The following ZNF804A variants were observed in gnomAD, a reference collection of about 807,000 sequenced individuals.
ZNF804A encodes zinc finger protein 804A.
A neutral mutation model predicts 16.5 loss-of-function variants in ZNF804A; 2 were observed. That is an observed-to-expected ratio of 0.12 (90% CI 0.05 to 0.38). The LOEUF is 0.38. Among genes scored for constraint, ZNF804A ranks in the 10% least tolerant of loss-of-function variants. ZNF804A has a pLI of 0.99. For synonymous variants in ZNF804A, 534 were observed against 489.6 expected (o/e 1.09, Z -1.20); for missense variants, 1,473 against 1,390.7 (o/e 1.06, Z -0.94).
intron 1 of ZNF804A, among the ~76,000 whole-genome samples, chr2:184,733,710 T>C (rs1462833631): frequency 6.6e-6 from 1 of 152,206 alleles, no homozygotes; most frequent in Non-Finnish European, 1.5e-5. Flanking sequence ...AGATGGAAGC[T>C]TATTTAGATG....
chr2:184,798,354 C>A (rs535019401), intron 1 of ZNF804A, among the ~76,000 whole-genome samples: 4 of 151,804 alleles, frequency 2.6e-5, no homozygotes, highest in African/African-American at 9.6e-5. Flanking sequence ...TTAGATTTTT[C>A]TTCTTTTTCA....
chr2:184,816,642 A>T (rs1448596174), intron 1 of ZNF804A, among the ~76,000 whole-genome samples: 1 of 151,968 alleles, frequency 6.6e-6, no homozygotes, highest in African/African-American at 2.4e-5. Context: ...TTATCAACCG[A>T]TCAATCATTC....
chr2:184,681,259 G>A (rs1372762024), intron 1 of ZNF804A, among the ~76,000 whole-genome samples: 2 of 151,994 alleles, frequency 1.3e-5, no homozygotes, highest in African/African-American at 4.8e-5. Context: ...CCCATGACAA[G>A]GAGAGACTTC....
chr2:184,698,606 C>G (rs1310791044), intron 1 of ZNF804A, among the ~76,000 whole-genome samples: 1 of 151,996 alleles, frequency 6.6e-6, no homozygotes, highest in Non-Finnish European at 1.5e-5. Context: ...CTGAAACTGG[C>G]TTAATCAGAG....
chr2:184,667,029 G>C lies in ZNF804A; in HGVS notation c.111+67959G>C, dbSNP rs10209206. 5.2e-3 allele frequency among the ~76,000 whole-genome samples: 797 copies of C among 151,946 alleles called. 4 individuals are homozygous for C. Among genetic ancestry groups the C allele is most frequent in the African/African-American group, 0.017 (710 of 41,518 alleles). ...GTTTATAATGTTGAGGGTATAGAAA[G>C]GCAAATAATCCAAATTAGCTGAGAA... On this transcript the variant is annotated intron_variant, in intron 1 of 3. Coordinates refer to ENST00000302277, the MANE Select transcript of ZNF804A (RefSeq NM_194250.2).
At chr2:184,846,046 C>T (rs1191155228) in intron 1 of ZNF804A, among the ~76,000 whole-genome samples, 1 of 152,108 alleles carries the variant, frequency 6.6e-6, no homozygotes, top group Admixed American at 6.6e-5. Context: ...AATTGATTTT[C>T]AGGTTTCATA....
chr2:184,935,212 C>G lies in ZNF804A; in HGVS notation c.387-571C>G, dbSNP rs75400939. Among the ~76,000 whole-genome samples the G allele has an allele frequency of 1.8e-4, 28 of 152,148 alleles. No homozygotes were observed. In the South Asian group the frequency reaches 5.8e-3, roughly 32 times the overall value. On this transcript the variant is annotated intron_variant, in intron 3 of 3. Coordinates refer to ENST00000302277, the MANE Select transcript of ZNF804A (RefSeq NM_194250.2). ...TTCAGGATAATTTTAAATATTGAGA[C>G]TAACAATTTCAAAAGAGTCAAAGCT...
At chr2:184,797,894 T>C (rs1176065352) in intron 1 of ZNF804A, among the ~76,000 whole-genome samples, 1 of 152,088 alleles carries the variant, frequency 6.6e-6, no homozygotes, top group African/African-American at 2.4e-5. Flanking sequence ...GTTCTTATAG[T>C]TGTGGCTTGG....
At position 184,601,583 on chromosome 2, in the gene ZNF804A, G is replaced by A. The variant is rs560541563; in HGVS notation, c.111+2513G>A. On this transcript the variant is annotated intron_variant, in intron 1 of 3. Transcript: ENST00000302277. ...ATTGACAGATAAACTTGTGTTTATC[G>A]TGTACAATGATTTTAATCCCAGTTT... Among the ~76,000 whole-genome samples, 13 of 151,726 alleles carry A rather than the reference G, an allele frequency of 8.6e-5. No individual in the cohort carries two copies. In the East Asian group the frequency reaches 1.2e-3, roughly 14 times the overall value.
At chr2:184,924,243 T>C (rs1685574894) in intron 2 of ZNF804A, among the ~76,000 whole-genome samples, 1 of 152,010 alleles carries the variant, frequency 6.6e-6, no homozygotes, top group Non-Finnish European at 1.5e-5. Context: ...GGCTTCCATC[T>C]CGTTACTTGT....
intron 1 of ZNF804A, among the ~76,000 whole-genome samples, chr2:184,661,403 C>A (rs1251805765): frequency 1.3e-5 from 2 of 152,262 alleles, no homozygotes; most frequent in East Asian, 3.9e-4. Flanking sequence ...GGTTCTTGTA[C>A]TGTGACCAAA....
chr2:184,686,472 C>T (rs535203483), intron 1 of ZNF804A, among the ~76,000 whole-genome samples: 3 of 152,226 alleles, frequency 2.0e-5, no homozygotes, highest in Non-Finnish European at 4.4e-5. Flanking sequence ...GATTCCATGT[C>T]TGTGGCTATT....
At chr2:184,896,281 T>G (rs1174854494) in intron 2 of ZNF804A, among the ~76,000 whole-genome samples, 1 of 152,092 alleles carries the variant, frequency 6.6e-6, no homozygotes, top group Non-Finnish European at 1.5e-5. Flanking sequence ...TGTCCCAAAT[T>G]TATATATGAA....
chr2:184,744,230 C>T (rs1293298429), intron 1 of ZNF804A, among the ~76,000 whole-genome samples: 1 of 151,770 alleles, frequency 6.6e-6, no homozygotes, highest in Non-Finnish European at 1.5e-5. Flanking sequence ...CCCTTTATAA[C>T]TCATAGATTA....
intron 1 of ZNF804A, among the ~76,000 whole-genome samples, chr2:184,777,936 CT>C (rs1694313387): frequency 6.6e-6 from 1 of 151,590 alleles, no homozygotes; most frequent in Admixed American, 6.6e-5. Flanking sequence ...ATATAATTGA[CT>C]GAACAGCATA....
intron 1 of ZNF804A, among the ~76,000 whole-genome samples, chr2:184,725,315 T>A (rs1693390463): frequency 6.6e-6 from 1 of 151,688 alleles, no homozygotes; most frequent in Admixed American, 6.6e-5. Context: ...TAAATCATAT[T>A]TCTATGTTAG....
At chr2:184,723,938 G>T (rs1693362069) in intron 1 of ZNF804A, among the ~76,000 whole-genome samples, 1 of 151,702 alleles carries the variant, frequency 6.6e-6, no homozygotes, top group Non-Finnish European at 1.5e-5. Flanking sequence ...TTCTTAAAAA[G>T]TTAGTTGACA....
Position 184,936,052 on chromosome 2 carries a change from C to A in ZNF804A, c.656C>A (p.Pro219Gln). Residue 219 changes from proline to glutamine, a missense_variant, in exon 4 of 4, where the codon CCA (proline) becomes CAA (glutamine). Transcript: ENST00000302277. ...RHKIGFSFAF[P>Q]KKASVKLESS... The stretch of plus-strand genomic sequence containing the variant: ...AAAATCGGCTTTTCTTTTGCATTTC[C>A]AAAGAAAGCGTCCGTGAAGCTAGAG... 6.2e-7 allele frequency: 1 copy of A among 1,614,038 alleles called. No homozygotes were observed.
chr2:184,745,461 T>C (rs893348419), intron 1 of ZNF804A, among the ~76,000 whole-genome samples: 2 of 151,700 alleles, frequency 1.3e-5, no homozygotes, highest in African/African-American at 4.8e-5. Context: ...TTAGTATTCC[T>C]ATTTAAATCA....
Sources: gnomAD v4.1 joint callset for allele counts (sites outside exome capture counted in the v4.1 genomes callset) on GRCh38, gnomAD v4.1.1 for gene constraint, MANE v1.5 for transcripts, NCBI Gene and HGNC (gene_info 2026-07-23, HGNC 2026-07-21) for gene names.